DRC11: variants seen among roughly 807,000 people sequenced by gnomAD.
The protein encoded by DRC11 is IQ and AAA domain-containing protein 1.
chr2:236,344,642 A>T, the DRC11 span: 1 of 1,612,762 alleles, frequency 6.2e-7, no homozygotes, highest in Non-Finnish European at 8.5e-7. Flanking sequence ...CTGTCGAGCC[A>T]CCTGCAGAGG....
chr2:236,374,107 T>C, the DRC11 span, among the ~76,000 whole-genome samples: 5 of 152,194 alleles, frequency 3.3e-5, no homozygotes, highest in African/African-American at 4.8e-5. Context: ...CATTGCTCTC[T>C]GGTTATTTTG....
chr2:236,454,000 T>C, the DRC11 span, among the ~76,000 whole-genome samples: 25 of 152,290 alleles, frequency 1.6e-4, no homozygotes, highest in Non-Finnish European at 2.9e-4. This position sits in a 1 kb window ranked among gnomAD's most constrained non-coding sequence, Gnocchi z 4.9. Flanking sequence ...CTGCCCTGGA[T>C]GGCATGCAGA....
the DRC11 span, among the ~76,000 whole-genome samples, chr2:236,415,693 C>T: frequency 6.6e-6 from 1 of 152,230 alleles, no homozygotes; most frequent in South Asian, 2.1e-4. The surrounding 1 kb of genome is among the most constrained non-coding windows in gnomAD (Gnocchi z 5.7). Flanking sequence ...TTAAACTTTG[C>T]TTTTTGTTCA....
chr2:236,451,069 T>C, the DRC11 span, among the ~76,000 whole-genome samples: 3 of 152,322 alleles, frequency 2.0e-5, no homozygotes, highest in Admixed American at 6.5e-5. Context: ...TTAACACTCA[T>C]AGACTTCAAT....
chr2:236,457,774 C>T, the DRC11 span, among the ~76,000 whole-genome samples: 1 of 152,180 alleles, frequency 6.6e-6, no homozygotes, highest in Non-Finnish European at 1.5e-5. The surrounding 1 kb of genome is among the most constrained non-coding windows in gnomAD (Gnocchi z 4.7). Flanking sequence ...CCAAGGAATG[C>T]TGGAAGCCCC....
At chr2:236,491,245 A>AAT in the DRC11 span, among the ~76,000 whole-genome samples, 1 of 44,648 alleles carries the variant, frequency 2.2e-5, no homozygotes, top group Non-Finnish European at 5.2e-5. Flanking sequence ...ATATATACAC[A>AAT]GTATATATAT....
At chr2:236,458,774 G>A in the DRC11 span, among the ~76,000 whole-genome samples, 1 of 152,106 alleles carries the variant, frequency 6.6e-6, no homozygotes, top group African/African-American at 2.4e-5. Flanking sequence ...GGCCAGGCAT[G>A]GTGGCTTACG....
At chr2:236,490,923 T>C in the DRC11 span, among the ~76,000 whole-genome samples, 2 of 148,268 alleles carry the variant, frequency 1.3e-5, no homozygotes, top group Non-Finnish European at 3.0e-5. This position sits in a 1 kb window ranked among gnomAD's most constrained non-coding sequence, Gnocchi z 5.5. Context: ...TGTGTATATA[T>C]ATGTGTATAT....
chr2:236,358,170 A>AAT, the DRC11 span, among the ~76,000 whole-genome samples: 2 of 121,376 alleles, frequency 1.6e-5, no homozygotes, highest in East Asian at 2.3e-4. Flanking sequence ...ATGAATATAT[A>AAT]ATATATATAC....
chr2:236,500,067 A>T, the DRC11 span, among the ~76,000 whole-genome samples: 2 of 149,746 alleles, frequency 1.3e-5, no homozygotes, highest in South Asian at 2.1e-4. This position sits in a 1 kb window ranked among gnomAD's most constrained non-coding sequence, Gnocchi z 6.3. Flanking sequence ...TGATGTTTGC[A>T]AGACTTTTGG....
At chr2:236,341,326 G>T in the DRC11 span, among the ~76,000 whole-genome samples, 1 of 152,196 alleles carries the variant, frequency 6.6e-6, no homozygotes, top group African/African-American at 2.4e-5. Flanking sequence ...CTGACTGAGC[G>T]CACTCGAGGC....
chr2:236,417,504 C>T, the DRC11 span, among the ~76,000 whole-genome samples: 1 of 151,830 alleles, frequency 6.6e-6, no homozygotes, highest in Non-Finnish European at 1.5e-5. Context: ...ATCATAACCT[C>T]TATCAATCCA....
chr2:236,437,042 T>C, the DRC11 span, among the ~76,000 whole-genome samples: 1 of 150,798 alleles, frequency 6.6e-6, no homozygotes, highest in Admixed American at 6.6e-5. Flanking sequence ...CTGCACCCAC[T>C]AACTCATCAT....
the DRC11 span, among the ~76,000 whole-genome samples, chr2:236,460,102 A>G: frequency 6.6e-6 from 1 of 152,248 alleles, no homozygotes; most frequent in Admixed American, 6.5e-5. This position sits in a 1 kb window ranked among gnomAD's most constrained non-coding sequence, Gnocchi z 4.0. Context: ...AAAAGCAAGG[A>G]AACGGATTTT....
At chr2:236,431,393 C>T in the DRC11 span, among the ~76,000 whole-genome samples, 12 of 152,156 alleles carry the variant, frequency 7.9e-5, no homozygotes, top group East Asian at 1.9e-4. This position sits in a 1 kb window ranked among gnomAD's most constrained non-coding sequence, Gnocchi z 4.2. Context: ...AGAGAAGTGC[C>T]GAGCAAAGGA....
At chr2:236,408,508 G>C in the DRC11 span, 1 of 734,572 alleles carries the variant, frequency 1.4e-6, no homozygotes, top group South Asian at 1.4e-5. This position sits in a 1 kb window ranked among gnomAD's most constrained non-coding sequence, Gnocchi z 5.5. Flanking sequence ...CTTGGCCACG[G>C]TGCCTCTGTT....
the DRC11 span, among the ~76,000 whole-genome samples, chr2:236,396,777 T>C: frequency 2.0e-5 from 3 of 152,198 alleles, no homozygotes; most frequent in Non-Finnish European, 4.4e-5. Context: ...TCATTAAAAA[T>C]ACATAGGTCA....
chr2:236,404,472 A>G, the DRC11 span, among the ~76,000 whole-genome samples: 550 of 152,260 alleles, frequency 3.6e-3, 3 homozygotes, highest in African/African-American at 0.012. Context: ...CCATCGCTCA[A>G]AAGAGATTTC....
chr2:236,395,601 A>T, the DRC11 span, among the ~76,000 whole-genome samples: 1 of 152,232 alleles, frequency 6.6e-6, no homozygotes, highest in East Asian at 1.9e-4. Flanking sequence ...CATAAGCTTA[A>T]ACTGTGAAAA....
Sources: gnomAD v4.1 joint callset for allele counts (sites outside exome capture counted in the v4.1 genomes callset) on GRCh38, gnomAD v4.1.1 for gene constraint, Gnocchi (gnomAD v3.1) non-coding constraint, MANE v1.5 for transcripts, NCBI Gene and HGNC (gene_info 2026-07-23, HGNC 2026-07-21) for gene names.